CCDC102B: variants seen among roughly 807,000 people sequenced by gnomAD.
CCDC102B encodes the protein coiled-coil domain-containing protein 102B.
CCDC102B carries 75 observed loss-of-function variants against 57.4 expected under a neutral mutation model. The observed-to-expected ratio is 1.31, with a 90% confidence interval of 1.08 to 1.58. The LOEUF (loss-of-function observed/expected upper bound fraction) is 1.58. Ranked by LOEUF, CCDC102B falls within the 40% of genes most tolerant of loss-of-function variation. CCDC102B has a pLI of 0.00. For synonymous variants in CCDC102B, 206 were observed against 201.9 expected (o/e 1.02, Z -0.17); for missense variants, 636 against 582.6 (o/e 1.09, Z -0.94).
intron 7 of CCDC102B, among the ~76,000 whole-genome samples, chr18:69,038,580 G>A (rs1275359069): frequency 6.6e-6 from 1 of 151,718 alleles, no homozygotes; most frequent in Non-Finnish European, 1.5e-5. Context: ...AAAATGTAAA[G>A]CACCCATAAG....
At position 69,054,820 on chromosome 18, in the gene CCDC102B, C is replaced by T; in HGVS notation, c.*683C>T. ...TGGATAGACATTTCTACAGTAAAAT[C>T]ATGGAAAGGCATCAGCATTGCAAAG... is the stretch of plus-strand genomic sequence containing the variant. On this transcript the variant is annotated 3_prime_UTR_variant, in exon 8 of 8. Coordinates refer to ENST00000360242, the MANE Select transcript of CCDC102B (RefSeq NM_024781.3). 1.0e-6 allele frequency: 1 copy of T among 985,220 alleles called. No homozygotes were observed. The allele number at this position is 985,220 out of a possible 1,614,324, so 61.0% of individuals were successfully genotyped here.
At chr18:68,967,159 G>A (rs1219782799) in intron 6 of CCDC102B, among the ~76,000 whole-genome samples, 1 of 93,946 alleles carries the variant, frequency 1.1e-5, no homozygotes, top group Non-Finnish European at 2.1e-5. Flanking sequence ...GCCTCTTTTC[G>A]GTGTGTAGAA....
intron 2 of CCDC102B, among the ~76,000 whole-genome samples, chr18:68,790,625 G>T (rs895039799): frequency 3.3e-5 from 5 of 152,090 alleles, no homozygotes; most frequent in African/African-American, 9.7e-5. Flanking sequence ...TCTTTGACTC[G>T]GAAAGGGAAC....
intron 6 of CCDC102B, among the ~76,000 whole-genome samples, chr18:69,002,191 T>C (rs653893): frequency 0.97 from 148,258 of 152,268 alleles, 72,282 homozygotes; most frequent in East Asian, 1. Flanking sequence ...AACAATAGAC[T>C]TGAAAATCAG....
chr18:69,031,190 G>A (rs1181498891), intron 7 of CCDC102B, among the ~76,000 whole-genome samples: 2 of 152,118 alleles, frequency 1.3e-5, no homozygotes, highest in Non-Finnish European at 2.9e-5. Context: ...TATTTATATT[G>A]TAGAAGAAAT....
chr18:68,768,535 A>G (rs1016389275), intron 2 of CCDC102B, among the ~76,000 whole-genome samples: 4 of 152,188 alleles, frequency 2.6e-5, no homozygotes, highest in Non-Finnish European at 4.4e-5. Flanking sequence ...GAAACATTGC[A>G]CAATTTATAA....
At chr18:68,763,518 C>A (rs966377821) in intron 2 of CCDC102B, among the ~76,000 whole-genome samples, 1 of 152,042 alleles carries the variant, frequency 6.6e-6, no homozygotes, top group Non-Finnish European at 1.5e-5. Flanking sequence ...GCATGACAAC[C>A]TAATCTGAAG....
chr18:68,992,134 C>T (rs1330781256), intron 6 of CCDC102B, among the ~76,000 whole-genome samples: 3 of 151,826 alleles, frequency 2.0e-5, no homozygotes, highest in African/African-American at 7.3e-5. Context: ...AAGGAAATAA[C>T]CAACAATCAC....
chr18:68,917,080 GT>G (rs2041098899), intron 6 of CCDC102B, among the ~76,000 whole-genome samples: 2 of 152,150 alleles, frequency 1.3e-5, no homozygotes, highest in African/African-American at 2.4e-5. Flanking sequence ...GGAGAAGTGT[GT>G]TTCAACCTCC....
intron 5 of CCDC102B, among the ~76,000 whole-genome samples, chr18:68,896,359 A>G (rs1045470266): frequency 2.6e-5 from 4 of 152,088 alleles, no homozygotes; most frequent in Admixed American, 1.3e-4. Flanking sequence ...CAGAATTTCT[A>G]GAGTAGGCTT....
intron 6 of CCDC102B, among the ~76,000 whole-genome samples, chr18:68,945,589 G>T (rs1451165488): frequency 6.6e-6 from 1 of 152,036 alleles, no homozygotes; most frequent in Admixed American, 6.6e-5. Flanking sequence ...TAGATAATTG[G>T]TTAAAACTGT....
At chr18:68,995,494 G>A (rs1247747714) in intron 6 of CCDC102B, among the ~76,000 whole-genome samples, 1 of 152,106 alleles carries the variant, frequency 6.6e-6, no homozygotes, top group Non-Finnish European at 1.5e-5. Flanking sequence ...CATCCCAGCT[G>A]TAGCTAAAAG....
intron 6 of CCDC102B, among the ~76,000 whole-genome samples, chr18:68,925,847 A>G (rs74998849): frequency 0.013 from 1,934 of 152,114 alleles, 21 homozygotes; most frequent in East Asian, 0.033. Context: ...CCAATACAAT[A>G]GACAGTTCTA....
intron 6 of CCDC102B, among the ~76,000 whole-genome samples, chr18:68,915,483 C>T (rs2041039075): frequency 6.6e-6 from 1 of 152,058 alleles, no homozygotes; most frequent in Non-Finnish European, 1.5e-5. Context: ...TATTAATGAG[C>T]ATTTCATAAT....
intron 7 of CCDC102B, among the ~76,000 whole-genome samples, chr18:69,042,033 T>C (rs562242562): frequency 6.6e-6 from 1 of 152,108 alleles, no homozygotes; most frequent in South Asian, 2.1e-4. Context: ...CTCTGACTTA[T>C]TCATAGTTGT....
At chr18:68,793,360 GTATTTCTATT>G (rs2035525854), upstream of CCDC102B, among the ~76,000 whole-genome samples, 2 of 152,016 alleles carry the variant, frequency 1.3e-5, no homozygotes, top group Admixed American at 6.6e-5. Flanking sequence ...GACTTAATTG[GTATTTCTATT>G]TTTTAAAAAA....
chr18:68,765,381 A>AAAG (rs2034430948), intron 2 of CCDC102B, among the ~76,000 whole-genome samples: 1 of 138,518 alleles, frequency 7.2e-6, no homozygotes, highest in Non-Finnish European at 1.5e-5. Flanking sequence ...AAGAAAGAAA[A>AAAG]GAAAGAAAGA....
chr18:68,866,168 T>G (rs898129668), intron 4 of CCDC102B, among the ~76,000 whole-genome samples: 12 of 152,212 alleles, frequency 7.9e-5, no homozygotes, highest in Admixed American at 2.0e-4. Flanking sequence ...TTTAAGCAAT[T>G]GTGTACGCAT....
At chr18:68,872,977 A>G (rs1340030316) in intron 4 of CCDC102B, among the ~76,000 whole-genome samples, 1 of 152,126 alleles carries the variant, frequency 6.6e-6, no homozygotes, top group Non-Finnish European at 1.5e-5. Flanking sequence ...GGAAGGGTTT[A>G]TTATTGGATT....
Sources: allele counts gnomAD v4.1 joint callset (sites outside exome capture counted in the v4.1 genomes callset), GRCh38; gene constraint gnomAD v4.1.1; transcripts MANE v1.5; gene names NCBI Gene and HGNC (gene_info 2026-07-23, HGNC 2026-07-21).